NTRK2: variants seen among roughly 807,000 people sequenced by gnomAD.
The protein encoded by NTRK2 is BDNF/NT-3 growth factors receptor.
Under a neutral mutation model 94.5 loss-of-function variants are expected in NTRK2, and 13 were observed. The ratio of observed to expected loss-of-function variants is 0.14; its 90% CI spans 0.09 to 0.22. The LOEUF (loss-of-function observed/expected upper bound fraction) is 0.22. Ranked by LOEUF, NTRK2 falls within the 10% of genes least tolerant of loss-of-function variation. The pLI is 1.00. For synonymous variants in NTRK2, 372 were observed against 407.4 expected (o/e 0.91, Z 1.05); for missense variants, 639 against 1,071.2 (o/e 0.60, Z 5.63).
At chr9:84,723,548 T>C (rs759812070) in intron 6 of NTRK2, 25 bp from the exon 7 acceptor site, 1 of 1,613,802 alleles carries the variant, frequency 6.2e-7, no homozygotes, top group South Asian at 1.1e-5. Flanking sequence ...TGCATATGCC[T>C]CTGTTTACTT....
At chr9:84,802,416 C>T (rs899182587) in intron 12 of NTRK2, among the ~76,000 whole-genome samples, 4 of 152,054 alleles carry the variant, frequency 2.6e-5, no homozygotes, top group African/African-American at 9.7e-5. Flanking sequence ...ATGAAGGAGT[C>T]GAGGAGAAGA....
At chr9:84,897,603 G>C (rs1230526556) in intron 14 of NTRK2, among the ~76,000 whole-genome samples, 1 of 152,208 alleles carries the variant, frequency 6.6e-6, no homozygotes, top group African/African-American at 2.4e-5. Context: ...GGCACCTCTT[G>C]TTCTGTCCCT....
At chr9:84,971,677 TG>T (rs1423316040) in intron 17 of NTRK2, among the ~76,000 whole-genome samples, 1 of 152,136 alleles carries the variant, frequency 6.6e-6, no homozygotes, top group African/African-American at 2.4e-5. Context: ...AGCAATGAGA[TG>T]CCACTAAGAG....
At chr9:84,858,935 G>C (rs2075199864) in intron 12 of NTRK2, among the ~76,000 whole-genome samples, 2 of 152,178 alleles carry the variant, frequency 1.3e-5, no homozygotes, top group Non-Finnish European at 2.9e-5. Flanking sequence ...GTGACCACGA[G>C]CTGAAAGATT....
intron 2 of NTRK2, among the ~76,000 whole-genome samples, chr9:84,673,672 C>T (rs2058847630): frequency 6.6e-6 from 1 of 151,700 alleles, no homozygotes; most frequent in Admixed American, 6.6e-5. Flanking sequence ...GTAGATTAAC[C>T]AAGAGGTAGG....
Position 84,724,254 on chromosome 9 carries a change from A to C in NTRK2, c.751A>C (p.Arg251=). 1.9e-6 allele frequency: 3 copies of C among 1,614,166 alleles called. No individual in the cohort carries two copies. The highest frequency in any genetic ancestry group is 2.2e-5 in the South Asian group (2 of 91,078). ...NETSHTQGSL[R]ITNISSDDSG... is the part of the protein sequence containing the mutation. ...AACAAGCCACACACAGGGCTCCTTA[A>C]GGATAACTAACATTTCATCCGATGA... Residue 251 remains arginine, a synonymous_variant, in exon 8 of 19, where the codon AGG becomes CGG. Transcript: ENST00000277120.
rs1440338055 is a variant in NTRK2, at chr9:84,944,215, T to TCTCTCACACACA, written c.1765-4246_1765-4245insTCTCACACACAC. On this transcript the variant is annotated intron_variant, in intron 15 of 18. Coordinates refer to ENST00000277120, the MANE Select transcript of NTRK2 (RefSeq NM_006180.6). The stretch of plus-strand genomic sequence containing the variant: ...TGTTCTCTCTCTCTCTCTCTCTCTC[T>TCTCTCACACACA]CACACACACACACACACACACACAC... Among the ~76,000 whole-genome samples the TCTCTCACACACA allele has an allele frequency of 1.4e-3, 173 of 120,326 alleles. 4 individuals are homozygous for TCTCTCACACACA. The highest frequency in any genetic ancestry group is 9.9e-3 in the Admixed American group (115 of 11,558). The allele number at this position is 120,326 out of a possible 152,430, so 78.9% of individuals were successfully genotyped here.
Position 84,882,189 on chromosome 9 carries a change from C to G in NTRK2, c.1633+14758C>G, listed in dbSNP as rs1211035043. Among the ~76,000 whole-genome samples, 3 of 144,422 alleles carry G rather than the reference C, an allele frequency of 2.1e-5. 1 individual carries two copies. The highest frequency in any genetic ancestry group is 6.4e-3 in the Middle Eastern group (2 of 312). 94.7% of individuals were successfully genotyped at this position (144,422 alleles called of 152,430 possible). A position where few individuals can be genotyped will look rare whatever the true frequency, so the allele number is the denominator to read the frequency against. On this transcript the variant is annotated intron_variant, in intron 14 of 18. Transcript: ENST00000277120. ...CATCAAGCCAGGCTTCTTTCATGCT[C>G]CCACCAACACACACACACACACACT...
intron 15 of NTRK2, among the ~76,000 whole-genome samples, chr9:84,937,109 T>C (rs2078238729): frequency 2.0e-5 from 3 of 152,254 alleles, no homozygotes; most frequent in Middle Eastern, 3.4e-3. Flanking sequence ...TCAAAGACTA[T>C]CCAAAGGAGC....
chr9:84,707,867 C>T lies in NTRK2; in HGVS notation c.383C>T (p.Thr128Met), dbSNP rs201256653. The change falls in exon 5 of 19, where the codon ACG (threonine) becomes ATG (methionine). Residue 128 changes from threonine to methionine, a missense_variant. Around this residue, in one of 5 missense-constraint regions of NTRK2, gnomAD observed 206 missense variants for 251.5 expected, o/e 0.82. Transcript: ENST00000277120. ...AGCAATTTTACCCGAAACAAACTGA[C>T]GAGTTTGTCTAGGAAACATTTCCGT... ...QHINFTRNKL[T>M]SLSRKHFRHL... 1.6e-5 allele frequency: 25 copies of T among 1,612,708 alleles called. No homozygotes were observed. Among genetic ancestry groups the T allele is most frequent in the East Asian group, 1.1e-4 (5 of 44,750 alleles).
chr9:84,879,136 A>AAGAG (rs377385684), intron 14 of NTRK2, among the ~76,000 whole-genome samples: 20 of 149,838 alleles, frequency 1.3e-4, no homozygotes, highest in African/African-American at 2.2e-4. Flanking sequence ...GAGGCTGCCA[A>AAGAG]AGAGAGAGAG....
chr9:84,835,533 CAACAAG>C (rs953516348), intron 12 of NTRK2, among the ~76,000 whole-genome samples: 56 of 147,724 alleles, frequency 3.8e-4, no homozygotes, highest in African/African-American at 1.2e-3. Flanking sequence ...ACAACAAGAA[CAACAAG>C]AACAACAACA....
chr9:84,981,190 C>T lies in NTRK2; in HGVS notation c.2172+25673C>T, dbSNP rs941212718. 1.2e-4 allele frequency among the ~76,000 whole-genome samples: 18 copies of T among 152,312 alleles called. No homozygotes were observed. In the South Asian group the frequency reaches 3.7e-3, roughly 32 times the overall value. ...CCGCCTCCTGGGTTCAAGCGATTCT[C>T]CTGCCTCAGGCTCCCAAGTAGCTGG... is the stretch of plus-strand genomic sequence containing the variant. On this transcript the variant is annotated intron_variant, in intron 17 of 18. Transcript: ENST00000277120.
intron 14 of NTRK2, among the ~76,000 whole-genome samples, chr9:84,870,036 C>A (rs1214973115): frequency 1.4e-5 from 2 of 147,116 alleles, no homozygotes; most frequent in African/African-American, 5.0e-5. Flanking sequence ...GTAGATGAAT[C>A]TGTTGGTGTA....
intron 17 of NTRK2, among the ~76,000 whole-genome samples, chr9:84,999,202 G>C (rs5898879): frequency 8.1e-5 from 1 of 12,366 alleles, no homozygotes; most frequent in Non-Finnish European, 1.9e-4. Flanking sequence ...ACGTACTTTT[G>C]GTGGCCCCAA....
intron 14 of NTRK2, among the ~76,000 whole-genome samples, chr9:84,908,449 TTAAAAA>T (rs1241780466): frequency 6.6e-6 from 1 of 152,158 alleles, no homozygotes. Flanking sequence ...AGAACACTAG[TTAAAAA>T]TAAAACAAAA....
At chr9:84,934,621 CAT>C (rs2078152172) in intron 15 of NTRK2, among the ~76,000 whole-genome samples, 1 of 152,194 alleles carries the variant, frequency 6.6e-6, no homozygotes. Flanking sequence ...TGAAGACTCA[CAT>C]GTGTCTCCTC....
At chr9:84,790,135 C>A (rs984174335) in intron 12 of NTRK2, among the ~76,000 whole-genome samples, 1 of 152,080 alleles carries the variant, frequency 6.6e-6, no homozygotes, top group Non-Finnish European at 1.5e-5. Flanking sequence ...GGTCTATATG[C>A]CAGTACTCTC....
intron 17 of NTRK2, among the ~76,000 whole-genome samples, chr9:84,988,477 C>T (rs1277488288): frequency 6.6e-6 from 1 of 152,190 alleles, no homozygotes; most frequent in Non-Finnish European, 1.5e-5. Context: ...CTTACACACT[C>T]ATTCATACAC....
Sources: allele counts gnomAD v4.1 joint callset (sites outside exome capture counted in the v4.1 genomes callset), GRCh38; gene constraint gnomAD v4.1.1; regional missense constraint gnomAD v4.1.1; transcripts MANE v1.5; gene names NCBI Gene and HGNC (gene_info 2026-07-23, HGNC 2026-07-21).